Variants in THSD7B observed in about 807,000 individuals in gnomAD.
THSD7B encodes thrombospondin type-1 domain-containing protein 7B.
Under a neutral mutation model 213.6 loss-of-function variants are expected in THSD7B, and 138 were observed. The ratio of observed to expected loss-of-function variants is 0.65; its 90% CI spans 0.56 to 0.74. The LOEUF is 0.74. THSD7B is among the 30% of genes least tolerant of loss of function. THSD7B has a pLI of 0.00. For missense variants in THSD7B, 1,931 were observed against 1,991.5 expected (o/e 0.97, Z 0.58); for synonymous variants, 742 against 687.0 (o/e 1.08, Z -1.25).
chr2:137,053,599 A>G (rs1474868839), intron 2 of THSD7B, among the ~76,000 whole-genome samples: 1 of 152,124 alleles, frequency 6.6e-6, no homozygotes, highest in African/African-American at 2.4e-5. Context: ...AGAATGTCAT[A>G]GTCAAATGCT....
intron 12 of THSD7B, among the ~76,000 whole-genome samples, chr2:137,307,481 T>C (rs1683782889): frequency 6.6e-6 from 1 of 152,126 alleles, no homozygotes; most frequent in African/African-American, 2.4e-5. Context: ...ACTTCATCCC[T>C]AATCCAAAGG....
chr2:137,057,020 C>A lies in THSD7B; in HGVS notation c.740C>A (p.Pro247Gln). ...EEYTFSLKVG[P>Q]WSKCRLPHLK... Reference sequence around the variant, plus strand: ...TATACATTTAGCCTTAAGGTTGGACCATGGAGTAAATGCAGACTGCCTCAT... The same window carrying A: ...TATACATTTAGCCTTAAGGTTGGACAATGGAGTAAATGCAGACTGCCTCAT... Residue 247 changes from proline (P) to glutamine (Q), a missense_variant, in exon 3 of 28, where the codon CCA becomes CAA. By Grantham distance (76) the Pro-to-Gln change is moderately conservative. Coordinates refer to ENST00000409968, the MANE Select transcript of THSD7B (RefSeq NM_001316349.2). 6.2e-7 allele frequency: 1 copy of A among 1,613,882 alleles called. No homozygotes were observed. The highest frequency in any genetic ancestry group is 8.5e-7 in the Non-Finnish European group (1 of 1,179,882).
chr2:136,851,826 A>G (rs1683102892), intron 1 of THSD7B, among the ~76,000 whole-genome samples: 1 of 152,116 alleles, frequency 6.6e-6, no homozygotes, highest in African/African-American at 2.4e-5. Flanking sequence ...AATATCCTCA[A>G]AGGATGTGGA....
chr2:136,954,714 CAAAAAA>C (rs11378111), intron 2 of THSD7B, among the ~76,000 whole-genome samples: 11 of 89,430 alleles, frequency 1.2e-4, no homozygotes, highest in African/African-American at 5.0e-4. Flanking sequence ...GACTCTGTCT[CAAAAAA>C]AAAAAAAAAA....
Position 137,073,359 on chromosome 2 carries a change from C to G in THSD7B, c.950+16129C>G, listed in dbSNP as rs1349488226. On this transcript the variant is annotated intron_variant, in intron 3 of 27. Coordinates refer to ENST00000409968, the MANE Select transcript of THSD7B (RefSeq NM_001316349.2). ...AGGATGTATGTGTCGAGGAATTTATCCATTTCTTCTAGATTTTCTAGTTTA... is the reference window on the plus strand; with the variant it reads ...AGGATGTATGTGTCGAGGAATTTATGCATTTCTTCTAGATTTTCTAGTTTA... Among the ~76,000 whole-genome samples the G allele has an allele frequency of 6.6e-5, 10 of 152,282 alleles. No homozygotes were observed. In the East Asian group the frequency reaches 1.5e-3, roughly 24 times the overall value.
intron 2 of THSD7B, among the ~76,000 whole-genome samples, chr2:137,015,861 G>A (rs1051115210): frequency 3.3e-5 from 5 of 152,092 alleles, no homozygotes; most frequent in Admixed American, 1.3e-4. Context: ...AACCTGAACC[G>A]GTGGCACACA....
intron 2 of THSD7B, among the ~76,000 whole-genome samples, chr2:137,029,148 G>A (rs934148904): frequency 2.9e-5 from 4 of 139,552 alleles, no homozygotes; most frequent in Admixed American, 7.8e-5. Context: ...GCATGATCTC[G>A]GCTCACTGCA....
intron 2 of THSD7B, among the ~76,000 whole-genome samples, chr2:136,944,111 T>A (rs185619458): frequency 2.0e-5 from 3 of 152,226 alleles, no homozygotes; most frequent in African/African-American, 7.2e-5. Flanking sequence ...CAAAAAACAT[T>A]TTTATTTGTG....
intron 2 of THSD7B, 58 bp from the exon 3 acceptor site, chr2:137,056,362 C>G (rs1687162309): frequency 6.6e-7 from 1 of 1,517,986 alleles, no homozygotes; most frequent in African/African-American, 1.4e-5. Context: ...TTCTACTTAC[C>G]TGTGAATTGC....
intron 18 of THSD7B, 106 bp downstream of exon 18, chr2:137,616,422 G>A (rs1682388272): frequency 9.8e-7 from 1 of 1,019,442 alleles, no homozygotes; most frequent in Non-Finnish European, 1.5e-6. Context: ...AGTAGAATGT[G>A]TGAGTGTATT....
rs558613993 is a variant in THSD7B at position 137,436,654 on chromosome 2, C to G, written c.2960-14191C>G. On this transcript the variant is annotated intron_variant, in intron 14 of 27. Coordinates refer to ENST00000409968, the MANE Select transcript of THSD7B (RefSeq NM_001316349.2). ...ACTGATACTGTTATGAACAGTCTTA[C>G]AACAGCCTCTTGTGCCACAGTATGA... 4.2e-4 allele frequency among the ~76,000 whole-genome samples: 64 copies of G among 152,202 alleles called. 1 individual carries two copies. The highest frequency in any genetic ancestry group is 1.1e-3 in the Admixed American group (17 of 15,280).
At chr2:137,654,425 G>A (rs1043240997) in intron 21 of THSD7B, among the ~76,000 whole-genome samples, 2 of 152,186 alleles carry the variant, frequency 1.3e-5, no homozygotes, top group Admixed American at 6.5e-5. Flanking sequence ...TGTCCTTAGG[G>A]ATGTTTCTTT....
At chr2:136,891,609 CCT>C (rs759478356) in intron 2 of THSD7B, among the ~76,000 whole-genome samples, 2 of 152,166 alleles carry the variant, frequency 1.3e-5, no homozygotes, top group East Asian at 3.9e-4. Context: ...GGCTCCGCTC[CCT>C]GTGTCCATTC....
chr2:137,082,009 G>A (rs371685001), intron 3 of THSD7B, among the ~76,000 whole-genome samples: 4 of 152,024 alleles, frequency 2.6e-5, no homozygotes, highest in South Asian at 2.1e-4. Context: ...CAGCTATTCC[G>A]TCTATATATG....
At chr2:137,324,267 A>G (rs1684319732) in intron 12 of THSD7B, among the ~76,000 whole-genome samples, 1 of 152,240 alleles carries the variant, frequency 6.6e-6, no homozygotes, top group Non-Finnish European at 1.5e-5. Flanking sequence ...GTAGTTGGAC[A>G]CACAGTTGAT....
At chr2:136,915,878 C>A (rs1474212894) in intron 2 of THSD7B, among the ~76,000 whole-genome samples, 1 of 152,206 alleles carries the variant, frequency 6.6e-6, no homozygotes, top group Non-Finnish European at 1.5e-5. Context: ...CTCAACCTGA[C>A]AGTACATTTT....
At chr2:137,419,638 T>A (rs1686880084) in intron 14 of THSD7B, among the ~76,000 whole-genome samples, 3 of 151,510 alleles carry the variant, frequency 2.0e-5, no homozygotes, top group Admixed American at 2.0e-4. Context: ...CACAACAGTG[T>A]AGAAAACCAA....
chr2:137,022,642 T>A (rs1461752917), intron 2 of THSD7B, among the ~76,000 whole-genome samples: 1 of 152,100 alleles, frequency 6.6e-6, no homozygotes, highest in Non-Finnish European at 1.5e-5. Flanking sequence ...TTTTAACTTT[T>A]TTTTTTGATG....
At chr2:136,976,973 TG>T (rs1685491702) in intron 2 of THSD7B, among the ~76,000 whole-genome samples, 2 of 152,236 alleles carry the variant, frequency 1.3e-5, no homozygotes, top group Admixed American at 6.5e-5. Context: ...AGGATGATGC[TG>T]GTCTCATAAA....
Sources: gnomAD v4.1 joint callset for allele counts (sites outside exome capture counted in the v4.1 genomes callset) on GRCh38, gnomAD v4.1.1 for gene constraint, MANE v1.5 for transcripts, NCBI Gene and HGNC (gene_info 2026-07-23, HGNC 2026-07-21) for gene names.